KIAA0825: variants seen among roughly 807,000 people sequenced by gnomAD.
KIAA0825 encodes uncharacterized protein KIAA0825.
Under a neutral mutation model 147.6 loss-of-function variants are expected in KIAA0825, and 119 were observed. That is an observed-to-expected ratio of 0.81 (90% CI 0.69 to 0.94). The LOEUF is 0.94. Among genes scored for constraint, KIAA0825 ranks in the 40% least tolerant of loss-of-function variants. The pLI, the probability that KIAA0825 is intolerant of heterozygous loss-of-function variation, is 0.00. For synonymous variants in KIAA0825, 470 were observed against 518.1 expected (o/e 0.91, Z 1.26); for missense variants, 1,381 against 1,472.7 (o/e 0.94, Z 1.02).
chr5:94,537,520 G>T (rs991054521), intron 2 of KIAA0825, among the ~76,000 whole-genome samples: 21 of 151,830 alleles, frequency 1.4e-4, no homozygotes, highest in African/African-American at 5.1e-4. Flanking sequence ...GCGTGATGGT[G>T]GGCGCCTGTA....
chr5:94,254,128 T>G (rs1176412242), intron 20 of KIAA0825, among the ~76,000 whole-genome samples: 1 of 152,112 alleles, frequency 6.6e-6, no homozygotes. Flanking sequence ...ACAGCAAGAG[T>G]TATTCCCTTG....
chr5:94,542,957 G>C (rs1183531485), intron 2 of KIAA0825, among the ~76,000 whole-genome samples: 1 of 152,158 alleles, frequency 6.6e-6, no homozygotes, highest in African/African-American at 2.4e-5. Flanking sequence ...GCCAATAAAA[G>C]CCTTTTGGAG....
intron 10 of KIAA0825, among the ~76,000 whole-genome samples, chr5:94,467,935 C>T (rs186213346): frequency 6.6e-6 from 1 of 152,108 alleles, no homozygotes. Context: ...AGTTTAAAAT[C>T]AGTGCTATTT....
At chr5:94,411,522 A>G (rs160192) in intron 15 of KIAA0825, among the ~76,000 whole-genome samples, 36,488 of 152,176 alleles carry the variant, frequency 0.24, 4,766 homozygotes, top group Middle Eastern at 0.32. Context: ...TTATCTCACT[A>G]TACACAAAAA....
At chr5:94,433,302 C>G (rs999700843) in intron 14 of KIAA0825, among the ~76,000 whole-genome samples, 3 of 152,364 alleles carry the variant, frequency 2.0e-5, no homozygotes, top group Middle Eastern at 6.8e-3. Flanking sequence ...GCTGGGATTA[C>G]AGGCGTGAGC....
chr5:94,300,371 G>A (rs1167239550), intron 20 of KIAA0825, among the ~76,000 whole-genome samples: 3 of 151,902 alleles, frequency 2.0e-5, no homozygotes, highest in African/African-American at 4.8e-5. Flanking sequence ...TTGTAATTCA[G>A]TCTTATTCAA....
chr5:94,565,036 CCT>C lies in KIAA0825; in HGVS notation c.-2+17395_-2+17396del, dbSNP rs374763420. Among the ~76,000 whole-genome samples, 161 of 109,774 alleles carry C rather than the reference CCT, an allele frequency of 1.5e-3. 1 individual carries two copies. Among genetic ancestry groups the C allele is most frequent in the African/African-American group, 2.6e-3 (73 of 27,558 alleles). The allele number at this position is 109,774 out of a possible 152,430, so 72.0% of individuals were successfully genotyped here. On this transcript the variant is annotated intron_variant, in intron 2 of 20. Coordinates refer to ENST00000682413, the MANE Select transcript of KIAA0825 (RefSeq NM_001145678.3). ...TCTCTCTCTCTCTCTCTCTTTCTTTCCTCTCTCTCTCTCTCTCTCTTTCTTTC... is the reference window on the plus strand; with the variant it reads ...TCTCTCTCTCTCTCTCTCTTTCTTTCCTCTCTCTCTCTCTCTCTTTCTTTC...
At chr5:94,565,621 C>T (rs1778574107) in intron 2 of KIAA0825, among the ~76,000 whole-genome samples, 1 of 152,066 alleles carries the variant, frequency 6.6e-6, no homozygotes, top group Non-Finnish European at 1.5e-5. Context: ...GGATTACATG[C>T]CTGAGCCACC....
At chr5:94,187,707 G>A (rs1320149877) in intron 20 of KIAA0825, among the ~76,000 whole-genome samples, 1 of 152,100 alleles carries the variant, frequency 6.6e-6, no homozygotes, top group Non-Finnish European at 1.5e-5. Flanking sequence ...TTACAGGCAT[G>A]AGCCACCGCG....
chr5:94,307,322 C>T (rs75221403), intron 20 of KIAA0825, among the ~76,000 whole-genome samples: 1,836 of 151,862 alleles, frequency 0.012, 15 homozygotes, highest in Non-Finnish European at 0.017. Context: ...TTTCCCCTCA[C>T]TTTAGTTTTG....
rs1356499879 is a variant in KIAA0825, at chr5:94,152,149, G to A, written c.*1858C>T. On this transcript the variant is annotated 3_prime_UTR_variant, in exon 21 of 21. Coordinates refer to ENST00000682413, the MANE Select transcript of KIAA0825 (RefSeq NM_001145678.3). ...AAAATGTGTTATTTGGCAGGCAGCTGTCTACATGGCCATTTATGTATTTTT... is the reference window on the plus strand; with the variant it reads ...AAAATGTGTTATTTGGCAGGCAGCTATCTACATGGCCATTTATGTATTTTT... 6.6e-6 allele frequency among the ~76,000 whole-genome samples: 1 copy of A among 152,176 alleles called. No individual in the cohort carries two copies. The highest frequency in any genetic ancestry group is 2.4e-5 in the African/African-American group (1 of 41,434).
At chr5:94,380,458 T>C (rs2150506996) in intron 20 of KIAA0825, among the ~76,000 whole-genome samples, 1 of 152,364 alleles carries the variant, frequency 6.6e-6, no homozygotes, top group African/African-American at 2.4e-5. Context: ...CCAAGGGCTG[T>C]TCTAGGTAAT....
At chr5:94,339,965 A>G (rs542436685) in intron 20 of KIAA0825, among the ~76,000 whole-genome samples, 8 of 152,220 alleles carry the variant, frequency 5.3e-5, no homozygotes, top group Non-Finnish European at 1.2e-4. Flanking sequence ...TGGGTTAAAG[A>G]AAGCATTCCT....
At chr5:94,356,811 G>A (rs2914322) in intron 20 of KIAA0825, among the ~76,000 whole-genome samples, 26,839 of 139,898 alleles carry the variant, frequency 0.19, 3,103 homozygotes, top group Middle Eastern at 0.29. Context: ...TGCAACCTCC[G>A]CCTCCCGGGT....
chr5:94,607,441 T>C (rs1787697022), intron 1 of KIAA0825, among the ~76,000 whole-genome samples: 1 of 81,960 alleles, frequency 1.2e-5, no homozygotes, highest in African/African-American at 6.1e-5. Context: ...TGGCCAACCC[T>C]CTACTAAAAA....
intron 5 of KIAA0825, among the ~76,000 whole-genome samples, chr5:94,487,080 A>T (rs901823854): frequency 5.3e-5 from 8 of 152,180 alleles, no homozygotes; most frequent in Non-Finnish European, 8.8e-5. Flanking sequence ...AGTGCTTGCT[A>T]CTTGCTGACA....
At chr5:94,222,855 A>C (rs1347286283) in intron 20 of KIAA0825, among the ~76,000 whole-genome samples, 9 of 152,204 alleles carry the variant, frequency 5.9e-5, no homozygotes, top group African/African-American at 2.2e-4. Context: ...GTATATATTT[A>C]AGATATACAA....
intron 20 of KIAA0825, among the ~76,000 whole-genome samples, chr5:94,302,223 G>T (rs757627779): frequency 1.3e-5 from 2 of 152,044 alleles, no homozygotes; most frequent in Admixed American, 1.3e-4. Flanking sequence ...CCCCAGTTGC[G>T]CTTCATCATG....
chr5:94,577,424 T>C (rs1194505083), intron 2 of KIAA0825, among the ~76,000 whole-genome samples: 2 of 152,182 alleles, frequency 1.3e-5, no homozygotes, highest in Non-Finnish European at 2.9e-5. Context: ...TGTCTTTACC[T>C]TTACTGCAGG....
Sources: allele counts gnomAD v4.1 joint callset (sites outside exome capture counted in the v4.1 genomes callset), GRCh38; gene constraint gnomAD v4.1.1; transcripts MANE v1.5; gene names NCBI Gene and HGNC (gene_info 2026-07-23, HGNC 2026-07-21).